Variants in IPO11 observed in about 807,000 individuals in gnomAD.
The protein encoded by IPO11 is importin-11.
In IPO11, 66 loss-of-function variants were observed where a neutral mutation model predicts 143.2. That is an observed-to-expected ratio of 0.46 (90% CI 0.38 to 0.57). The LOEUF is 0.57. Ranked by LOEUF, IPO11 falls within the 20% of genes least tolerant of loss-of-function variation. The probability of loss-of-function intolerance (pLI) is 0.00; values close to 1 mark genes in which losing one functional copy is unlikely to be tolerated. For missense variants in IPO11, 1,026 were observed against 1,141.0 expected, an observed-to-expected ratio of 0.90 and a Z score of 1.45; for synonymous variants, 385 against 377.8, an observed-to-expected ratio of 1.02 and a Z score of -0.22.
intron 1 of IPO11, among the ~76,000 whole-genome samples, chr5:62,430,127 AT>A (rs1412686542): frequency 4.6e-5 from 7 of 152,200 alleles, no homozygotes; most frequent in Non-Finnish European, 1.0e-4. Context: ...GCTATTATGA[AT>A]AATGTTGCAG....
At chr5:62,533,018 T>C (rs954040517) in intron 22 of IPO11, among the ~76,000 whole-genome samples, 1 of 152,144 alleles carries the variant, frequency 6.6e-6, no homozygotes, top group Non-Finnish European at 1.5e-5. Context: ...TTTTCTACTT[T>C]TATTGTTCAA....
intron 27 of IPO11, among the ~76,000 whole-genome samples, chr5:62,565,247 A>T (rs2112373224): frequency 6.6e-6 from 1 of 152,346 alleles, no homozygotes; most frequent in East Asian, 1.9e-4. Flanking sequence ...GCACTTTTGG[A>T]GGCCGAGGCA....
chr5:62,606,247 G>A (rs1012848081), intron 29 of IPO11, among the ~76,000 whole-genome samples: 3 of 150,440 alleles, frequency 2.0e-5, no homozygotes, highest in Admixed American at 1.3e-4. Context: ...TTGGGAGGCC[G>A]AGGTGGGCAA....
chr5:62,514,481 A>C (rs968059468), intron 19 of IPO11, among the ~76,000 whole-genome samples: 2 of 151,726 alleles, frequency 1.3e-5, no homozygotes, highest in Admixed American at 1.3e-4. Context: ...AATCGCAGGC[A>C]CTTGGCAGGC....
intron 20 of IPO11, among the ~76,000 whole-genome samples, chr5:62,516,042 C>G (rs1001655246): frequency 6.6e-6 from 1 of 152,084 alleles, no homozygotes; most frequent in Admixed American, 6.6e-5. Flanking sequence ...GAATCATAGT[C>G]TGGTGAGAGT....
rs1223673374 is a variant in IPO11, at chr5:62,473,894, C to T, written c.709-522C>T. Among the ~76,000 whole-genome samples, 4 of 152,110 alleles carry T rather than the reference C, an allele frequency of 2.6e-5. No individual in the cohort carries two copies. The East Asian group carries it at 7.7e-4, about 29-fold the overall frequency. ...TACTAGTATCTGAGGACCAATGTGT[C>T]ATATACTTGAAGTTAAGAACTGTGG... On this transcript the variant is annotated intron_variant, in intron 7 of 29. Transcript: ENST00000325324.
chr5:62,590,745 C>G (rs1230001847), intron 27 of IPO11, among the ~76,000 whole-genome samples: 1 of 152,070 alleles, frequency 6.6e-6, no homozygotes, highest in Non-Finnish European at 1.5e-5. Context: ...AGATTTACCT[C>G]CTTAATGTAT....
chr5:62,493,626 G>A (rs1482619606), intron 15 of IPO11, among the ~76,000 whole-genome samples: 1 of 151,536 alleles, frequency 6.6e-6, no homozygotes, highest in East Asian at 1.9e-4. Context: ...GAGTGCAGTG[G>A]CACAATCTTG....
chr5:62,491,665 AG>A (rs926728439), intron 15 of IPO11, among the ~76,000 whole-genome samples: 1 of 150,348 alleles, frequency 6.7e-6, no homozygotes, highest in Non-Finnish European at 1.5e-5. Context: ...AATATTAATA[AG>A]TTTTTTTTTT....
intron 29 of IPO11, among the ~76,000 whole-genome samples, chr5:62,611,133 C>T (rs763345895): frequency 2.0e-5 from 3 of 152,094 alleles, no homozygotes; most frequent in Non-Finnish European, 4.4e-5. Flanking sequence ...AAATTGTAAA[C>T]CAAACATAGC....
rs1742373296 is a variant in IPO11 at position 62,526,445 on chromosome 5, G to A, written c.2012+188G>A. The A allele has an allele frequency of 9.5e-6, 4 of 420,772 alleles. No individual in the cohort carries two copies. In the South Asian group the frequency reaches 1.5e-4, roughly 16 times the overall value. The allele number at this position is 420,772 out of a possible 1,614,324, so 26.1% of individuals were successfully genotyped here. ...TCAGTGTAGGATTATAGTAGACAAA[G>A]TTAAAGGGGGACATTTCAATAGGAA... is the stretch of plus-strand genomic sequence containing the variant. On this transcript the variant is annotated intron_variant, in intron 21 of 29. Coordinates refer to ENST00000325324, the MANE Select transcript of IPO11 (RefSeq NM_016338.5).
intron 15 of IPO11, among the ~76,000 whole-genome samples, chr5:62,492,079 C>T (rs1046280350): frequency 1.6e-4 from 24 of 152,118 alleles, no homozygotes; most frequent in Non-Finnish European, 2.4e-4. Flanking sequence ...ACCTGGTAAT[C>T]TTGTTAAAGT....
chr5:62,494,943 C>A (rs1438436604), intron 16 of IPO11, among the ~76,000 whole-genome samples: 1 of 151,906 alleles, frequency 6.6e-6, no homozygotes, highest in Non-Finnish European at 1.5e-5. Flanking sequence ...TTAGTTTGAA[C>A]CCACCTGGTT....
chr5:62,537,398 C>A, intron 24 of IPO11, 109 bp downstream of exon 24: 1 of 700,344 alleles, frequency 1.4e-6, no homozygotes, highest in Non-Finnish European at 2.4e-6. Context: ...TGATATAGTT[C>A]TAGACAGGCT....
intron 4 of IPO11, 135 bp downstream of exon 4, chr5:62,450,134 T>G (rs1744858152): frequency 3.6e-6 from 2 of 550,362 alleles, no homozygotes; most frequent in Non-Finnish European, 6.1e-6. Context: ...TTTATCTATT[T>G]TTAAATTTTG....
At chr5:62,415,277 C>T (rs1743251923) in intron 1 of IPO11, among the ~76,000 whole-genome samples, 1 of 151,838 alleles carries the variant, frequency 6.6e-6, no homozygotes, top group African/African-American at 2.4e-5. Flanking sequence ...GGTTCTCCTG[C>T]CTCAGCCTCC....
At chr5:62,457,118 A>G (rs2112172658) in intron 5 of IPO11, among the ~76,000 whole-genome samples, 1 of 152,248 alleles carries the variant, frequency 6.6e-6, no homozygotes, top group African/African-American at 2.4e-5. Flanking sequence ...GAAGAAAACA[A>G]AACTATATTG....
intron 9 of IPO11, among the ~76,000 whole-genome samples, chr5:62,481,064 C>T (rs538503770): frequency 1.4e-4 from 21 of 151,660 alleles, no homozygotes; most frequent in African/African-American, 3.9e-4. Context: ...TACAGGCACC[C>T]GCCACCATGC....
At chr5:62,592,287 C>CT (rs111310368) in intron 28 of IPO11, among the ~76,000 whole-genome samples, 87 of 151,126 alleles carry the variant, frequency 5.8e-4, no homozygotes, top group Middle Eastern at 3.4e-3. Flanking sequence ...TGAGCATGCT[C>CT]TTTTTTTTTC....
Sources: allele counts gnomAD v4.1 joint callset (sites outside exome capture counted in the v4.1 genomes callset), GRCh38; gene constraint gnomAD v4.1.1; transcripts MANE v1.5; gene names NCBI Gene and HGNC (gene_info 2026-07-23, HGNC 2026-07-21).